Variants in TAPT1 observed in about 807,000 individuals in gnomAD.
TAPT1 encodes transmembrane anterior posterior transformation protein 1 homolog.
Under a neutral mutation model 65.6 loss-of-function variants are expected in TAPT1, and 28 were observed. The observed-to-expected ratio is 0.43, with a 90% CI of 0.32 to 0.59. The LOEUF is 0.59. Ranked by LOEUF, TAPT1 falls within the 20% of genes least tolerant of loss-of-function variation. The pLI, the probability that TAPT1 is intolerant of heterozygous loss-of-function variation, is 0.09. For missense variants in TAPT1, 563 were observed against 679.9 expected, an observed-to-expected ratio of 0.83 and a Z score of 1.91; for synonymous variants, 278 against 245.2, an observed-to-expected ratio of 1.13 and a Z score of -1.25.
chr4:16,223,301 G>A (rs1751364609), intron 1 of TAPT1, among the ~76,000 whole-genome samples: 2 of 152,190 alleles, frequency 1.3e-5, no homozygotes, highest in Non-Finnish European at 2.9e-5. Context: ...TTCTGCAGAT[G>A]AATCAAGTGG....
At chr4:16,174,489 AATGTT>A (rs1748202967) in intron 10 of TAPT1, 176 bp downstream of exon 10, 1 of 673,086 alleles carries the variant, frequency 1.5e-6, no homozygotes, top group African/African-American at 1.8e-5. Context: ...TATACTACTT[AATGTT>A]AAGTATTACT....
rs1560157824 is a variant in TAPT1 at position 16,177,741 on chromosome 4, CAA to C, written c.998-1515_998-1514del. Reference sequence around the variant, plus strand: ...GGTGCACAGCAATGTGCCTGGCATACAAAATGGCTAGTGCTGTTTTTATGTTC... The same window carrying C: ...GGTGCACAGCAATGTGCCTGGCATACAATGGCTAGTGCTGTTTTTATGTTC... On this transcript the variant is annotated intron_variant, in intron 8 of 13. Coordinates refer to ENST00000405303, the MANE Select transcript of TAPT1 (RefSeq NM_153365.3). 5.3e-5 allele frequency among the ~76,000 whole-genome samples: 8 copies of C among 151,908 alleles called. No individual in the cohort carries two copies. In the South Asian group the frequency reaches 1.7e-3, roughly 32 times the overall value.
chr4:16,172,901 T>C (rs1057002530), intron 11 of TAPT1, among the ~76,000 whole-genome samples: 6 of 152,086 alleles, frequency 3.9e-5, no homozygotes, highest in Admixed American at 2.6e-4. Context: ...CTCGGCTTAC[T>C]GCAACCTTCC....
intron 7 of TAPT1, among the ~76,000 whole-genome samples, chr4:16,181,560 T>C (rs1046454709): frequency 6.6e-6 from 1 of 152,176 alleles, no homozygotes; most frequent in Non-Finnish European, 1.5e-5. Context: ...TCATTAAAGG[T>C]GTATTTAAGG....
At chr4:16,169,987 C>T (rs186084345) in intron 12 of TAPT1, among the ~76,000 whole-genome samples, 1 of 152,088 alleles carries the variant, frequency 6.6e-6, no homozygotes, top group African/African-American at 2.4e-5. Flanking sequence ...ACCACCTAGG[C>T]GAGGGTGGAA....
Position 16,163,070 on chromosome 4 carries a change from A to C in TAPT1, c.*238T>G. The C allele has an allele frequency of 6.7e-6, 4 of 593,158 alleles. No homozygotes were observed. Among genetic ancestry groups the C allele is most frequent in the South Asian group, 6.1e-5 (4 of 65,756 alleles). The allele number at this position is 593,158 out of a possible 1,614,324, so 36.7% of individuals were successfully genotyped here. A position where few individuals can be genotyped will look rare whatever the true frequency, so the allele number is the denominator to read the frequency against. On this transcript the variant is annotated 3_prime_UTR_variant, in exon 14 of 14. Coordinates refer to ENST00000405303, the MANE Select transcript of TAPT1 (RefSeq NM_153365.3). The stretch of plus-strand genomic sequence containing the variant: ...TGATGCTGCTGCTTGGCCAGGCAGG[A>C]GGAAGTTTTATAATCCATCAAGCTT...
chr4:16,192,093 A>T (rs985173215), intron 3 of TAPT1, among the ~76,000 whole-genome samples: 3 of 152,226 alleles, frequency 2.0e-5, no homozygotes, highest in African/African-American at 2.4e-5. Flanking sequence ...TCTACATGCC[A>T]TGTCACATAT....
At chr4:16,190,853 A>G (rs148276038) in intron 4 of TAPT1, 1 of 154,954 alleles carries the variant, frequency 6.5e-6, no homozygotes, top group East Asian at 1.9e-4. Flanking sequence ...TTGGGAACTT[A>G]TATTTATTTA....
At chr4:16,205,470 G>A (rs1186247602) in intron 2 of TAPT1, among the ~76,000 whole-genome samples, 2 of 152,124 alleles carry the variant, frequency 1.3e-5, no homozygotes, top group Non-Finnish European at 2.9e-5. Context: ...ATACTGCACT[G>A]GGAGGAAAGA....
chr4:16,175,979 C>T (rs1451739038), intron 9 of TAPT1, 140 bp downstream of exon 9: 1 of 551,368 alleles, frequency 1.8e-6, no homozygotes, highest in Non-Finnish European at 3.2e-6. Flanking sequence ...AGAATACTTT[C>T]AATAGTGTAA....
rs546043110 is a variant in TAPT1, at chr4:16,161,269, T to A, written c.*2039A>T. 7 of 152,574 alleles carry A rather than the reference T, an allele frequency of 4.6e-5. No homozygotes were observed. The highest frequency in any genetic ancestry group is 1.7e-4 in the African/African-American group (7 of 41,438). The allele number at this position is 152,574 out of a possible 1,614,324, so 9.5% of individuals were successfully genotyped here. A position where few individuals can be genotyped will look rare whatever the true frequency, so the allele number is the denominator to read the frequency against. ...TCACTCTACCAAATACAATAGTAAA[T>A]ATTAAAATAAATTCAGTGACCTTTT... On this transcript the variant is annotated 3_prime_UTR_variant, in exon 14 of 14. Transcript: ENST00000405303.
intron 9 of TAPT1, among the ~76,000 whole-genome samples, chr4:16,175,442 C>T (rs1748260781): frequency 6.6e-6 from 1 of 151,952 alleles, no homozygotes; most frequent in South Asian, 2.1e-4. Context: ...TAAATAATTG[C>T]CTTTTGAAAC....
rs2149659394 is a variant in TAPT1, at chr4:16,162,384, T to C, written c.*924A>G. 6.5e-6 allele frequency: 1 copy of C among 153,026 alleles called. No individual in the cohort carries two copies. Among genetic ancestry groups the C allele is most frequent in the Non-Finnish European group, 1.5e-5 (1 of 68,144 alleles). 9.5% of individuals were successfully genotyped at this position (153,026 alleles called of 1,614,324 possible). ...TGTCTAACACACTTGGAGCATTTAC[T>C]TTACAGTTAAAGTTGACAGTTTTGA... is the stretch of plus-strand genomic sequence containing the variant. On this transcript the variant is annotated 3_prime_UTR_variant, in exon 14 of 14. Coordinates refer to ENST00000405303, the MANE Select transcript of TAPT1 (RefSeq NM_153365.3).
chr4:16,173,765 T>C (rs565175029), intron 11 of TAPT1, among the ~76,000 whole-genome samples: 1 of 152,376 alleles, frequency 6.6e-6, no homozygotes, highest in Admixed American at 6.5e-5. Context: ...GTGTCTTTTA[T>C]AACTATTTCC....
intron 5 of TAPT1, among the ~76,000 whole-genome samples, chr4:16,187,476 A>G (rs898323071): frequency 2.6e-5 from 4 of 152,176 alleles, no homozygotes; most frequent in African/African-American, 9.7e-5. Flanking sequence ...TATATCTAAG[A>G]GTGGTAACTG....
chr4:16,205,461 T>C (rs1197655422), intron 2 of TAPT1, among the ~76,000 whole-genome samples: 1 of 152,216 alleles, frequency 6.6e-6, no homozygotes, highest in Non-Finnish European at 1.5e-5. Flanking sequence ...TCTTGCTTAA[T>C]ACTGCACTGG....
chr4:16,196,726 G>T, intron 3 of TAPT1: 2 of 1,282,826 alleles, frequency 1.6e-6, no homozygotes, highest in Non-Finnish European at 1.0e-6. Context: ...CCTTCGGTCT[G>T]ATTTACGAGA....
At position 16,191,465 on chromosome 4, in the gene TAPT1, C is replaced by A. The variant is rs778997117; in HGVS notation, c.508G>T (p.Val170Leu). The change falls in exon 4 of 14, where the codon GTA becomes TTA. Residue 170 changes from valine (V) to leucine (L), a missense_variant. Coordinates refer to ENST00000405303, the MANE Select transcript of TAPT1 (RefSeq NM_153365.3). ...TAGTGCATCATAAAATAGCAGATTA[C>A]CAAAATGACACCCTTCAAAATGTCA... ...VCDILKGVIL[V>L]ICYFMMHYVD... The A allele has an allele frequency of 3.8e-5, 60 of 1,572,132 alleles. No homozygotes were observed. The highest frequency in any genetic ancestry group is 5.1e-5 in the Non-Finnish European group (59 of 1,158,140).
intron 2 of TAPT1, among the ~76,000 whole-genome samples, chr4:16,205,540 A>C (rs1750287465): frequency 6.6e-6 from 1 of 152,214 alleles, no homozygotes; most frequent in Non-Finnish European, 1.5e-5. Flanking sequence ...GCTAAGTGCC[A>C]GATGAATGAT....
Sources: gnomAD v4.1 joint callset for allele counts (sites outside exome capture counted in the v4.1 genomes callset) on GRCh38, gnomAD v4.1.1 for gene constraint, MANE v1.5 for transcripts, NCBI Gene and HGNC (gene_info 2026-07-23, HGNC 2026-07-21) for gene names.